Variants in CHD1L observed in about 807,000 individuals in gnomAD.
The protein encoded by CHD1L is ATP-dependent chromatin remodeler CHD1L.
Under a neutral mutation model 115.9 loss-of-function variants are expected in CHD1L, and 118 were observed. The ratio of observed to expected loss-of-function variants is 1.02; its 90% CI spans 0.88 to 1.19. CHD1L has a LOEUF of 1.19. CHD1L is among the 50% of genes most tolerant of loss of function. The pLI is 0.00. For missense variants in CHD1L, 1,179 were observed against 1,065.3 expected (o/e 1.11, Z -1.49); for synonymous variants, 411 against 387.1 (o/e 1.06, Z -0.72).
Position 147,271,271 on chromosome 1 carries a change from G to A in CHD1L, c.1159+266G>A, listed in dbSNP as rs587709325. On this transcript the variant is annotated intron_variant, in intron 11 of 22. Transcript: ENST00000369258. Reference sequence around the variant, plus strand: ...AATTATGGGCCGTGGAGCAAATGTTGTGGAAATGTTTTTGAAAATGTGTGA... The same window carrying A: ...AATTATGGGCCGTGGAGCAAATGTTATGGAAATGTTTTTGAAAATGTGTGA... Among the ~76,000 whole-genome samples the A allele has an allele frequency of 3.9e-5, 6 of 152,282 alleles. No individual in the cohort carries two copies. In the South Asian group the frequency reaches 1.2e-3, roughly 32 times the overall value.
the CHD1L span, among the ~76,000 whole-genome samples, chr1:147,219,778 A>G: frequency 3.3e-5 from 5 of 151,606 alleles, no homozygotes; most frequent in Admixed American, 6.6e-5. Flanking sequence ...AAAAACTCCT[A>G]GAGTCAACAA....
At chr1:147,290,462 G>A (rs1471982760) in intron 19 of CHD1L, among the ~76,000 whole-genome samples, 1 of 152,120 alleles carries the variant, frequency 6.6e-6, no homozygotes, top group African/African-American at 2.4e-5. Flanking sequence ...GATTAGTAAG[G>A]GTGGCACCAC....
At chr1:147,279,974 A>AAT in intron 14 of CHD1L, 52 bp from the exon 15 acceptor site, 1 of 1,590,222 alleles carries the variant, frequency 6.3e-7, no homozygotes. Flanking sequence ...CTGATATCCT[A>AAT]ATGTTTCTTT....
At chr1:147,225,026 T>G in the CHD1L span, 8 of 1,549,238 alleles carry the variant, frequency 5.2e-6, no homozygotes, top group Non-Finnish European at 7.0e-6. Context: ...CTTTTCTTAG[T>G]CATGGTCTCC....
At chr1:147,178,278 C>G in the CHD1L span, 1 of 1,613,528 alleles carries the variant, frequency 6.2e-7, no homozygotes. Context: ...TCTTCGCCCC[C>G]TGGTGTGGAC....
chr1:147,250,483 CA>C (rs1668064917), intron 1 of CHD1L, among the ~76,000 whole-genome samples: 1 of 152,100 alleles, frequency 6.6e-6, no homozygotes, highest in African/African-American at 2.4e-5. Context: ...GGGGCTCCTC[CA>C]TCCTGCTGGG....
the CHD1L span, among the ~76,000 whole-genome samples, chr1:147,236,720 T>C: frequency 6.6e-6 from 1 of 151,708 alleles, no homozygotes; most frequent in Non-Finnish European, 1.5e-5. Flanking sequence ...TAGCAGAGAG[T>C]AGACCCTGGG....
At chr1:147,289,782 G>A (rs1168921629) in intron 19 of CHD1L, among the ~76,000 whole-genome samples, 1 of 152,236 alleles carries the variant, frequency 6.6e-6, no homozygotes, top group Non-Finnish European at 1.5e-5. Flanking sequence ...CTGTTCCTTT[G>A]TGTGGAGGAT....
At chr1:147,224,936 A>T in the CHD1L span, 1 of 1,614,082 alleles carries the variant, frequency 6.2e-7, no homozygotes, top group Non-Finnish European at 8.5e-7. Context: ...GTCCTTTCAA[A>T]GCAGACAGGT....
At chr1:147,178,814 A>C in the CHD1L span, 3 of 1,604,482 alleles carry the variant, frequency 1.9e-6, no homozygotes, top group Non-Finnish European at 2.6e-6. Context: ...AAAATTAAAA[A>C]GTTTATCCAG....
At chr1:147,178,003 C>T in the CHD1L span, 1 of 583,912 alleles carries the variant, frequency 1.7e-6, no homozygotes, top group South Asian at 2.2e-5. Context: ...GATCCTGGAA[C>T]ACAAAAACTA....
intron 17 of CHD1L, 73 bp from the exon 18 acceptor site, chr1:147,286,225 G>A (rs1333623682): frequency 7.2e-7 from 1 of 1,383,072 alleles, no homozygotes; most frequent in Admixed American, 1.9e-5. Context: ...TTTGTGAACA[G>A]CAGTATAAAA....
At chr1:147,279,950 C>T in intron 14 of CHD1L, 76 bp from the exon 15 acceptor site, 7 of 1,493,388 alleles carry the variant, frequency 4.7e-6, no homozygotes, top group Non-Finnish European at 6.5e-6. Flanking sequence ...GTCGTTAATC[C>T]ACTTAGCCAA....
At chr1:147,212,388 C>A in the CHD1L span, 1 of 1,613,826 alleles carries the variant, frequency 6.2e-7, no homozygotes, top group Non-Finnish European at 8.5e-7. Flanking sequence ...TTGAGTGATT[C>A]AAACCTGCTT....
the CHD1L span, among the ~76,000 whole-genome samples, chr1:147,177,910 A>T: frequency 5.3e-5 from 8 of 152,324 alleles, no homozygotes; most frequent in African/African-American, 1.9e-4. Context: ...GTCCTGAATG[A>T]CAACAAAAGA....
upstream of CHD1L, among the ~76,000 whole-genome samples, chr1:147,238,327 A>G (rs994002964): frequency 6.6e-6 from 1 of 152,208 alleles, no homozygotes; most frequent in Non-Finnish European, 1.5e-5. Context: ...CTGACTCACT[A>G]GGTGCTTCTA....
the CHD1L span, among the ~76,000 whole-genome samples, chr1:147,232,106 T>C: frequency 1.3e-5 from 2 of 152,220 alleles, no homozygotes; most frequent in African/African-American, 4.8e-5. Context: ...ATGGCATCTT[T>C]GTAAGATAGA....
chr1:147,295,215 A>T (rs1214090443), intron 22 of CHD1L, among the ~76,000 whole-genome samples: 1 of 152,220 alleles, frequency 6.6e-6, no homozygotes, highest in African/African-American at 2.4e-5. Flanking sequence ...GCCAGCTTTT[A>T]TGTGCTTGCA....
upstream of CHD1L, among the ~76,000 whole-genome samples, chr1:147,239,325 G>A (rs782311524): frequency 3.3e-5 from 5 of 152,130 alleles, no homozygotes; most frequent in African/African-American, 1.2e-4. Context: ...AAAGTGTGGC[G>A]TTCTCTCTAA....
Sources: gnomAD v4.1 joint callset for allele counts (sites outside exome capture counted in the v4.1 genomes callset) on GRCh38, gnomAD v4.1.1 for gene constraint, MANE v1.5 for transcripts, NCBI Gene and HGNC (gene_info 2026-07-23, HGNC 2026-07-21) for gene names.